Variants in TTN observed in about 807,000 individuals in gnomAD.
TTN encodes connectin.
Under a neutral mutation model 3,223.0 loss-of-function variants are expected in TTN, and 1,525 were observed. That is an observed-to-expected ratio of 0.47 (90% CI 0.45 to 0.49). The LOEUF (loss-of-function observed/expected upper bound fraction) is 0.49, where lower values mean the gene tolerates loss of function less well. Among genes scored for constraint, TTN ranks in the 20% least tolerant of loss-of-function variants. The pLI is 0.00. For synonymous variants in TTN, 14,094 were observed against 15,161.0 expected, an observed-to-expected ratio of 0.93 and a Z score of 5.17; for missense variants, 40,786 against 43,424.0, an observed-to-expected ratio of 0.94 and a Z score of 5.40.
chr2:178,605,580 G>A lies in TTN; in HGVS notation c.53715C>T (p.Asp17905=). Residue 17905 remains aspartate (D), a synonymous_variant, in exon 279 of 363, where the codon GAC becomes GAT. Transcript: ENST00000589042. ...QGYIIEKRRH[D]KPDFERVNKR... is the part of the protein sequence containing the mutation. ...TGTTAACTCTTTCAAAGTCAGGTTT[G>A]TCATGACGCCGTTTTTCAATGATAT... 6.4e-7 allele frequency: 1 copy of A among 1,558,672 alleles called. No individual in the cohort carries two copies. The highest frequency in any genetic ancestry group is 8.7e-7 in the Non-Finnish European group (1 of 1,145,702).
At position 178,599,428 on chromosome 2, in the gene TTN, C is replaced by T; in HGVS notation, c.56365G>A (p.Val18789Met). 1 of 1,545,296 alleles carries T rather than the reference C, an allele frequency of 6.5e-7. No homozygotes were observed. The highest frequency in any genetic ancestry group is 1.7e-4 in the Middle Eastern group (1 of 5,742). The change falls in exon 290 of 363, where the codon GTG becomes ATG. Residue 18789 changes from valine to methionine, a missense_variant. Physicochemically the swap from Val to Met is conservative, Grantham distance 21. Coordinates refer to ENST00000589042, the MANE Select transcript of TTN (RefSeq NM_001267550.2). ...ACAGATTCAAATTTTATGGGTCCCA[C>T]TGGAGGGCCAGGACGACCTAAAATG... ...LNVLGRPGPPVGPIKFESVSA... is the reference protein window; with the variant it reads ...LNVLGRPGPPMGPIKFESVSA...
chr2:178,598,362 G>A (rs1301012141), intron 292 of TTN, 144 bp downstream of exon 292: 3 of 1,040,152 alleles, frequency 2.9e-6, no homozygotes, highest in Non-Finnish European at 4.1e-6. Flanking sequence ...GACATTAACA[G>A]ATGTTTGGAA....
rs1456653211 is a variant in TTN at position 178,546,632 on chromosome 2, G to C, written c.94796C>G (p.Ser31599Cys). The stretch of plus-strand genomic sequence containing the variant: ...ATCTCGGCAAGTGACAGGGCCTGTA[G>C]ATTCAGACCCTTTGCTAATTACGCC... ...AAGVISKGSE[S>C]TGPVTCRDEY... The change falls in exon 341 of 363, where the codon TCT becomes TGT. Residue 31599 changes from serine (S) to cysteine (C), a missense_variant. Physicochemically the swap from Ser to Cys is moderately radical, Grantham distance 112. Transcript: ENST00000589042. 1 of 1,612,778 alleles carries C rather than the reference G, an allele frequency of 6.2e-7. No homozygotes were observed.
At chr2:178,679,224 G>C (rs1322543745) in intron 142 of TTN, 115 bp downstream of exon 142, 1 of 1,097,266 alleles carries the variant, frequency 9.1e-7, no homozygotes, top group African/African-American at 1.6e-5. Context: ...AGAGGCGCTT[G>C]TCATGGCATT....
In TTN at chr2:178,728,342, C is replaced by A; in HGVS notation, c.19482G>T (p.Leu6494=). The change falls in exon 67 of 363, where the codon CTG becomes CTT. Residue 6494 remains leucine, a synonymous_variant. Transcript: ENST00000589042. ...TKKLTKMDKV[L]GSSIHMECKV... ...TGCACTCCATATGAATAGAAGAGCC[C>A]AGAACTTTATCCATTTTGGTTAATT... The A allele has an allele frequency of 6.2e-7, 1 of 1,608,620 alleles. No individual in the cohort carries two copies. The highest frequency in any genetic ancestry group is 8.5e-7 in the Non-Finnish European group (1 of 1,178,124).
Position 178,696,006 on chromosome 2 carries a change from C to T in TTN, c.31066G>A (p.Val10356Ile), listed in dbSNP as rs2073639652. 2 of 1,548,388 alleles carry T rather than the reference C, an allele frequency of 1.3e-6. No homozygotes were observed. Among genetic ancestry groups the T allele is most frequent in the Non-Finnish European group, 1.7e-6 (2 of 1,145,928 alleles). ...EEIKVEAKKE[V>I]HEEWEEDFEE... ...AAATCTTCTTCCCATTCCTCGTGAA[C>T]TTCTTTTTTAGCTTCTACCTTAATC... The change falls in exon 114 of 363, where the codon GTT becomes ATT. Residue 10356 changes from valine to isoleucine, a missense_variant. Val to Ile is a conservative substitution (Grantham distance 29, BLOSUM62 3). Coordinates refer to ENST00000589042, the MANE Select transcript of TTN (RefSeq NM_001267550.2).
chr2:178,694,014 AAG>A lies in TTN; in HGVS notation c.31427-8_31427-7del, dbSNP rs774240941. 4 of 1,605,548 alleles carry A rather than the reference AAG, an allele frequency of 2.5e-6. No homozygotes were observed. Among genetic ancestry groups the A allele is most frequent in the Admixed American group, 1.7e-5 (1 of 59,326 alleles). On this transcript the variant is annotated splice_polypyrimidine_tract_variant and splice_region_variant and intron_variant, in intron 117 of 362. Coordinates refer to ENST00000589042, the MANE Select transcript of TTN (RefSeq NM_001267550.2). ...CTTTGTATGCACAGCTGGTACTTTA[AAG>A]AGAGTATTTCACATTAGTATTCCTT...
In TTN at chr2:178,539,691, C is replaced by T; in HGVS notation, c.98374G>A (p.Val32792Met). The change falls in exon 352 of 363, where the codon GTG (valine) becomes ATG (methionine). Residue 32792 changes from valine to methionine, a missense_variant. Transcript: ENST00000589042. ...GKKAVYIKVR[V>M]IGSPNSPEGP... ...TCTGGACTGTTGGGACTTCCTATCA[C>T]CCTGACCTTGATGTAGACAGCCTTC... The T allele has an allele frequency of 6.2e-7, 1 of 1,613,736 alleles. No homozygotes were observed. Among genetic ancestry groups the T allele is most frequent in the Admixed American group, 1.7e-5 (1 of 60,014 alleles).
In TTN at chr2:178,642,385, G is replaced by A. The variant is rs3731741; in HGVS notation, c.40478-68C>T. Reference sequence around the variant, plus strand: ...AAAACGGAATTTCAACAAGAAAAATGTCTCTCCTAAAACTAGTTAACTGTA... The same window carrying A: ...AAAACGGAATTTCAACAAGAAAAATATCTCTCCTAAAACTAGTTAACTGTA... On this transcript the variant is annotated intron_variant, in intron 218 of 362. Coordinates refer to ENST00000589042, the MANE Select transcript of TTN (RefSeq NM_001267550.2). 5.7e-6 allele frequency: 8 copies of A among 1,406,052 alleles called. No individual in the cohort carries two copies. The East Asian group carries it at 1.3e-4, about 22-fold the overall frequency. The allele number at this position is 1,406,052 out of a possible 1,614,324, so 87.1% of individuals were successfully genotyped here.
In TTN at chr2:178,590,388, C is replaced by T. The variant is rs368278158; in HGVS notation, c.61337G>A (p.Arg20446His). ...GLIEGNEYRF[R>H]IKAANIVGEG... ...TCCTACAATATTAGCTGCCTTTATA[C>T]GGAATCTGTACTCATTTCCTTCAAT... Residue 20446 changes from arginine (R) to histidine (H), a missense_variant, in exon 304 of 363, where the codon CGT (arginine) becomes CAT (histidine). Arg to His is a conservative substitution (Grantham distance 29). Coordinates refer to ENST00000589042, the MANE Select transcript of TTN (RefSeq NM_001267550.2). 53 of 1,596,064 alleles carry T rather than the reference C, an allele frequency of 3.3e-5. No individual in the cohort carries two copies. The highest frequency in any genetic ancestry group is 1.4e-4 in the Admixed American group (8 of 58,022).
At chr2:178,747,338 C>A in intron 47 of TTN, 1 of 1,613,300 alleles carries the variant, frequency 6.2e-7, no homozygotes, top group Non-Finnish European at 8.5e-7. Context: ...TGTCTCACCT[C>A]CTGAATGTAT....
intron 132 of TTN, 42 bp from the exon 133 acceptor site, chr2:178,684,124 T>C: frequency 6.2e-7 from 1 of 1,601,538 alleles, no homozygotes; most frequent in Non-Finnish European, 8.5e-7. Flanking sequence ...TTTCCCTCTT[T>C]CAAACCACAA....
At chr2:178,665,671 TAATA>T in intron 164 of TTN, 33 bp downstream of exon 164, 2 of 1,291,862 alleles carry the variant, frequency 1.5e-6, no homozygotes, top group Non-Finnish European at 9.9e-7. Context: ...CTAAGCACTC[TAATA>T]AATGAAGGAA....
intron 47 of TTN, chr2:178,751,911 A>G: frequency 6.3e-7 from 1 of 1,594,070 alleles, no homozygotes; most frequent in Admixed American, 1.8e-5. Context: ...TCAGGCCAGG[A>G]GCTTGTAGAT....
intron 47 of TTN, chr2:178,745,908 T>A (rs1446238005): frequency 6.2e-7 from 1 of 1,609,462 alleles, no homozygotes; most frequent in East Asian, 2.2e-5. Flanking sequence ...GTGTAGTTGC[T>A]CTTTAAGACC....
In TTN at chr2:178,795,300, A is replaced by G. The variant is rs756254931; in HGVS notation, c.915-48T>C. On this transcript the variant is annotated intron_variant, in intron 6 of 362. Transcript: ENST00000589042. ...CAAGAATGTCAAAGCAAGGAGGGGT[A>G]ACTGGATGTGAATCATGAGATGAAA... is the stretch of plus-strand genomic sequence containing the variant. 9 of 1,570,172 alleles carry G rather than the reference A, an allele frequency of 5.7e-6. No individual in the cohort carries two copies. The East Asian group carries it at 2.0e-4, about 35-fold the overall frequency.
At chr2:178,680,120 A>G in intron 139 of TTN, 65 bp from the exon 140 acceptor site, 1 of 1,593,906 alleles carries the variant, frequency 6.3e-7, no homozygotes, top group Non-Finnish European at 8.6e-7. Context: ...GACACCTTAG[A>G]AACACAGGCC....
intron 102 of TTN, 51 bp downstream of exon 102, chr2:178,706,403 C>T: frequency 6.6e-7 from 1 of 1,518,386 alleles, no homozygotes; most frequent in Non-Finnish European, 8.8e-7. Flanking sequence ...GATGCGGAAC[C>T]CACTTATATG....
At chr2:178,633,090 T>C (rs1006215296) in intron 233 of TTN, 46 bp from the exon 234 acceptor site, 5 of 1,602,606 alleles carry the variant, frequency 3.1e-6, no homozygotes, top group African/African-American at 1.3e-5. Flanking sequence ...ATCATTTATA[T>C]AGTTATTCCT....
Sources: gnomAD v4.1 joint callset for allele counts on GRCh38, gnomAD v4.1.1 for gene constraint, MANE v1.5 for transcripts, NCBI Gene and HGNC (gene_info 2026-07-23, HGNC 2026-07-21) for gene names.